Variants in U2AF2 observed in about 807,000 individuals in gnomAD.
U2AF2 encodes the protein splicing factor U2AF 65 kDa subunit.
U2AF2 carries 6 observed loss-of-function variants against 52.6 expected under a neutral mutation model. That is an observed-to-expected ratio of 0.11 (90% CI 0.06 to 0.23). The LOEUF (loss-of-function observed/expected upper bound fraction) is 0.23, where lower values mean the gene tolerates loss of function less well. Among genes scored for constraint, U2AF2 ranks in the 10% least tolerant of loss-of-function variants. U2AF2 has a pLI of 1.00. For missense variants in U2AF2, 222 were observed against 677.1 expected, an observed-to-expected ratio of 0.33 and a Z score of 7.46; for synonymous variants, 284 against 258.2, an observed-to-expected ratio of 1.10 and a Z score of -0.96.
At chr19:55,661,265 C>T (rs1984170897) in intron 5 of U2AF2, 76 bp downstream of exon 5, 1 of 1,393,210 alleles carries the variant, frequency 7.2e-7, no homozygotes, top group African/African-American at 1.5e-5. Flanking sequence ...ATTCCCTTTC[C>T]CCAACCTGCA....
chr19:55,660,039 G>A, intron 2 of U2AF2, 138 bp from the exon 3 acceptor site: 2 of 672,962 alleles, frequency 3.0e-6, no homozygotes, highest in South Asian at 2.1e-5. Context: ...TGGCAGGGCC[G>A]AGGGTGGCCT....
At chr19:55,673,844 C>T (rs1456252223) in intron 11 of U2AF2, 90 bp from the exon 12 acceptor site, 2 of 1,520,520 alleles carry the variant, frequency 1.3e-6, no homozygotes, top group Non-Finnish European at 1.8e-6. Context: ...CTCCCTGTCC[C>T]TTCCTGCCTT....
intron 11 of U2AF2, 36 bp downstream of exon 11, chr19:55,669,728 C>T (rs760287343): frequency 7.1e-6 from 11 of 1,556,040 alleles, no homozygotes; most frequent in African/African-American, 4.1e-5. Context: ...CTCTCACCCT[C>T]TGCCCCTCCT....
At chr19:55,662,192 C>T (rs758220407) in intron 5 of U2AF2, 5 of 272,410 alleles carry the variant, frequency 1.8e-5, no homozygotes, top group East Asian at 7.4e-5. Context: ...TGCCCTCTGC[C>T]TTTTCTTGAA....
intron 10 of U2AF2, 34 bp from the exon 11 acceptor site, chr19:55,669,410 C>T: frequency 3.8e-6 from 6 of 1,567,552 alleles, no homozygotes; most frequent in South Asian, 1.2e-5. Context: ...GGTCTGGGCC[C>T]CCTGTGACGC....
At chr19:55,672,710 A>C (rs1352342759) in intron 11 of U2AF2, among the ~76,000 whole-genome samples, 1 of 151,666 alleles carries the variant, frequency 6.6e-6, no homozygotes, top group Non-Finnish European at 1.5e-5. Flanking sequence ...TTCCATGTTC[A>C]AATTTTTCTA....
intron 10 of U2AF2, 99 bp downstream of exon 10, chr19:55,669,280 G>A (rs2123693418): frequency 6.4e-7 from 1 of 1,553,936 alleles, no homozygotes. Context: ...TTCATGGGAA[G>A]GCATTTGGGG....
At position 55,668,433 on chromosome 19, in the gene U2AF2, C is replaced by T; in HGVS notation, c.743-74C>T. ...AGTGTTCTCTTTGGCAATTGAGGAG[C>T]TCGCCGTAGACTGTCCAGGTTTTGG... On this transcript the variant is annotated intron_variant, in intron 7 of 11. Transcript: ENST00000308924. This position sits in a 1 kb window ranked among gnomAD's most constrained non-coding sequence, Gnocchi z 5.5. The T allele has an allele frequency of 1.4e-6, 2 of 1,417,714 alleles. No individual in the cohort carries two copies. The highest frequency in any genetic ancestry group is 1.9e-6 in the Non-Finnish European group (2 of 1,048,908). The allele number at this position is 1,417,714 out of a possible 1,614,324, so 87.8% of individuals were successfully genotyped here.
chr19:55,660,443 G>T, intron 3 of U2AF2, 73 bp from the exon 4 acceptor site: 1 of 1,187,260 alleles, frequency 8.4e-7, no homozygotes, highest in Non-Finnish European at 1.2e-6. Context: ...GGGTGCCTGG[G>T]AGGGGGCTCG....
intron 11 of U2AF2, chr19:55,670,872 C>CGGA (rs1568555471): frequency 6.3e-6 from 1 of 157,592 alleles, no homozygotes; most frequent in African/African-American, 2.4e-5. Context: ...CCTGGCTTCC[C>CGGA]TGCTGAGCCC....
At chr19:55,661,212 ACCCTCTCCCTTGT>A in intron 5 of U2AF2, 23 bp downstream of exon 5, 1 of 1,536,514 alleles carries the variant, frequency 6.5e-7, no homozygotes, top group South Asian at 1.2e-5. Flanking sequence ...CCTGCCCCCT[ACCCTCTCCCTTGT>A]CCCTCTACCC....
intron 11 of U2AF2, chr19:55,671,673 G>A (rs1041825478): frequency 6.6e-6 from 1 of 152,310 alleles, no homozygotes; most frequent in Non-Finnish European, 1.5e-5. Flanking sequence ...GCCCTCCAGA[G>A]TCCCCTTCCC....
In U2AF2 at chr19:55,661,326, C is replaced by G. The variant is rs538167743; in HGVS notation, c.486+137C>G. ...CCCCCCGGCCCCCTCCCAGACGGAC[C>G]GATGGAGTTGAGCCAGCCAGGGGCC... On this transcript the variant is annotated intron_variant, in intron 5 of 11. Transcript: ENST00000308924. 1.4e-4 allele frequency: 138 copies of G among 1,013,930 alleles called. No individual in the cohort carries two copies. The African/African-American group carries it at 2.2e-3, about 16-fold the overall frequency. The allele number at this position is 1,013,930 out of a possible 1,614,324, so 62.8% of individuals were successfully genotyped here.
At position 55,674,283 on chromosome 19, in the gene U2AF2, A is replaced by G. The variant is rs1025679924; in HGVS notation, c.*215A>G. 1.9e-6 allele frequency: 1 copy of G among 533,956 alleles called. No homozygotes were observed. Among genetic ancestry groups the G allele is most frequent in the Non-Finnish European group, 3.3e-6 (1 of 300,286 alleles). The allele number at this position is 533,956 out of a possible 1,614,324, so 33.1% of individuals were successfully genotyped here. A position where few individuals can be genotyped will look rare whatever the true frequency, so the allele number is the denominator to read the frequency against. On this transcript the variant is annotated 3_prime_UTR_variant, in exon 12 of 12. Transcript: ENST00000308924. ...GAGGGGACTGGGGAAGTGCGCACACAGCCCACACAGACAACACGCACCCAC... is the reference window on the plus strand; with the variant it reads ...GAGGGGACTGGGGAAGTGCGCACACGGCCCACACAGACAACACGCACCCAC...
chr19:55,662,290 A>T (rs1267108566), intron 5 of U2AF2: 2 of 450,094 alleles, frequency 4.4e-6, no homozygotes, highest in Non-Finnish European at 7.9e-6. Context: ...GTCTCTTGCT[A>T]CTGCTTCCTC....
Position 55,674,142 on chromosome 19 carries a change from C to T in U2AF2, c.*74C>T, listed in dbSNP as rs992824704. Reference sequence around the variant, plus strand: ...ACTCCCGCCCCCCCCTTATCCCCCTCTGAAGACGATGGGCAGAGGAGTGAC... The same window carrying T: ...ACTCCCGCCCCCCCCTTATCCCCCTTTGAAGACGATGGGCAGAGGAGTGAC... On this transcript the variant is annotated 3_prime_UTR_variant, in exon 12 of 12. Transcript: ENST00000308924. The T allele has an allele frequency of 2.1e-6, 3 of 1,448,072 alleles. No individual in the cohort carries two copies. Among genetic ancestry groups the T allele is most frequent in the African/African-American group, 2.9e-5 (2 of 68,830 alleles). 89.7% of individuals were successfully genotyped at this position (1,448,072 alleles called of 1,614,324 possible).
chr19:55,669,430 C>G lies in U2AF2; in HGVS notation c.1045-14C>G. ...GGGCCCCCTGTGACGCCGCTGCCTC[C>G]CCTGGCCCCACAGAGCACCATCAAT... On this transcript the variant is annotated splice_polypyrimidine_tract_variant and intron_variant, in intron 10 of 11. Transcript: ENST00000308924. 6.3e-7 allele frequency: 1 copy of G among 1,586,366 alleles called. No individual in the cohort carries two copies. The highest frequency in any genetic ancestry group is 1.1e-5 in the South Asian group (1 of 87,690).
chr19:55,673,564 G>A lies in U2AF2; in HGVS notation c.1294-370G>A, dbSNP rs541423291. ...CACTTATTGTTGGGAGAACATGGCT[G>A]TTGGGGTGGTTCTGGGAGCGCCCAC... On this transcript the variant is annotated intron_variant, in intron 11 of 11. Coordinates refer to ENST00000308924, the MANE Select transcript of U2AF2 (RefSeq NM_007279.3). Among the ~76,000 whole-genome samples, 12 of 152,312 alleles carry A rather than the reference G, an allele frequency of 7.9e-5. No individual in the cohort carries two copies. In the East Asian group the frequency reaches 2.3e-3, roughly 29 times the overall value.
At chr19:55,657,551 C>T (rs954590900) in intron 1 of U2AF2, among the ~76,000 whole-genome samples, 11 of 152,204 alleles carry the variant, frequency 7.2e-5, no homozygotes, top group African/African-American at 2.7e-4. Context: ...AGAAAGGGCT[C>T]TTGGGGCTCA....
Sources: allele counts gnomAD v4.1 joint callset (sites outside exome capture counted in the v4.1 genomes callset), GRCh38; gene constraint gnomAD v4.1.1; non-coding constraint Gnocchi (gnomAD v3.1); transcripts MANE v1.5; gene names NCBI Gene and HGNC (gene_info 2026-07-23, HGNC 2026-07-21).